AXDND1: variants seen among roughly 807,000 people sequenced by gnomAD.
AXDND1 encodes axonemal dynein light chain domain containing 1.
In AXDND1, 110 loss-of-function variants were observed where a neutral mutation model predicts 137.5. The ratio of observed to expected loss-of-function variants is 0.80; its 90% CI spans 0.69 to 0.94. The LOEUF (loss-of-function observed/expected upper bound fraction) is 0.94, where lower values mean the gene tolerates loss of function less well. Ranked by LOEUF, AXDND1 falls within the 40% of genes least tolerant of loss-of-function variation. The pLI is 0.00. For synonymous variants in AXDND1, 414 were observed against 399.7 expected (o/e 1.04, Z -0.43); for missense variants, 1,191 against 1,169.8 (o/e 1.02, Z -0.26).
intron 9 of AXDND1, among the ~76,000 whole-genome samples, chr1:179,385,713 A>G (rs889699963): frequency 6.6e-6 from 1 of 152,132 alleles, no homozygotes; most frequent in Admixed American, 6.6e-5. Flanking sequence ...AATGAGAGGG[A>G]GGGAACCTGT....
chr1:179,486,138 A>C lies in AXDND1; in HGVS notation c.2091+2917A>C, dbSNP rs7544034. On this transcript the variant is annotated intron_variant, in intron 18 of 25. Transcript: ENST00000367618. ...CTGTCTCAAAAAAAAAAAAAAAAAA[A>C]AAACCTGATAGAAATGAAAAACACA... is the stretch of plus-strand genomic sequence containing the variant. 8.7e-5 allele frequency among the ~76,000 whole-genome samples: 5 copies of C among 57,376 alleles called. 1 individual carries two copies. Among genetic ancestry groups the C allele is most frequent in the East Asian group, 1.0e-3 (1 of 1,002 alleles). The allele number at this position is 57,376 out of a possible 152,430, so 37.6% of individuals were successfully genotyped here. A position where few individuals can be genotyped will look rare whatever the true frequency, so the allele number is the denominator to read the frequency against.
Position 179,432,380 on chromosome 1 carries a change from C to A in AXDND1, c.1563+38C>A, listed in dbSNP as rs143419427. On this transcript the variant is annotated intron_variant, in intron 15 of 25. Transcript: ENST00000367618. ...AATAAAGAGCTTGGCAATCAAAGTGCTGATTGTAAACTTGGCATTCCGGAC... is the reference window on the plus strand; with the variant it reads ...AATAAAGAGCTTGGCAATCAAAGTGATGATTGTAAACTTGGCATTCCGGAC... The A allele has an allele frequency of 1.4e-4, 213 of 1,515,508 alleles. No individual in the cohort carries two copies. In the East Asian group the frequency reaches 5.0e-3, roughly 36 times the overall value. The allele number at this position is 1,515,508 out of a possible 1,614,324, so 93.9% of individuals were successfully genotyped here. A position where few individuals can be genotyped will look rare whatever the true frequency, so the allele number is the denominator to read the frequency against.
At chr1:179,489,501 T>C (rs2125570878) in intron 18 of AXDND1, among the ~76,000 whole-genome samples, 1 of 152,304 alleles carries the variant, frequency 6.6e-6, no homozygotes, top group Non-Finnish European at 1.5e-5. Flanking sequence ...TAGGAATTTA[T>C]GTATTTTCAC....
intron 15 of AXDND1, among the ~76,000 whole-genome samples, chr1:179,443,261 C>T (rs917147487): frequency 2.6e-5 from 4 of 152,218 alleles, no homozygotes; most frequent in African/African-American, 9.6e-5. Flanking sequence ...GGGGCTTCGG[C>T]TCCCTATAAG....
chr1:179,394,179 C>A, intron 10 of AXDND1, 136 bp downstream of exon 10: 1 of 873,760 alleles, frequency 1.1e-6, no homozygotes, highest in Non-Finnish European at 1.6e-6. Context: ...AGCAAGAGAA[C>A]AAAAAGAACT....
intron 25 of AXDND1, 87 bp from the exon 26 acceptor site, chr1:179,554,425 C>G (rs755461314): frequency 5.6e-6 from 9 of 1,605,836 alleles, no homozygotes; most frequent in Non-Finnish European, 6.8e-6. Context: ...AAAATGAAAC[C>G]AGAATATTTT....
At chr1:179,541,826 C>A (rs575922585) in intron 25 of AXDND1, among the ~76,000 whole-genome samples, 18 of 152,040 alleles carry the variant, frequency 1.2e-4, no homozygotes, top group African/African-American at 3.9e-4. Context: ...AAAATAGAAA[C>A]AACCTACGTG....
chr1:179,402,185 A>G (rs1652199895), intron 11 of AXDND1, among the ~76,000 whole-genome samples: 1 of 147,120 alleles, frequency 6.8e-6, no homozygotes, highest in Non-Finnish European at 1.5e-5. Flanking sequence ...AAAAAAAATC[A>G]CCCTGTCTTG....
intron 16 of AXDND1, among the ~76,000 whole-genome samples, chr1:179,467,636 A>T (rs1380258718): frequency 1.3e-5 from 2 of 152,198 alleles, no homozygotes; most frequent in African/African-American, 4.8e-5. Flanking sequence ...ATACTGAGGG[A>T]TGACTGTGTA....
chr1:179,541,660 CATG>C lies in AXDND1; in HGVS notation c.3031+6701_3031+6703del, dbSNP rs1558323818. On this transcript the variant is annotated intron_variant, in intron 25 of 25. Transcript: ENST00000367618. ...ATTTATAATATATGCATAATATATGCATGATAATATGCATAATAATATTGCATG... is the reference window on the plus strand; with the variant it reads ...ATTTATAATATATGCATAATATATGCATAATATGCATAATAATATTGCATG... Among the ~76,000 whole-genome samples, 1,412 of 151,164 alleles carry C rather than the reference CATG, an allele frequency of 9.3e-3. 37 individuals are homozygous for C. Among genetic ancestry groups the C allele is most frequent in the Admixed American group, 0.057 (862 of 15,132 alleles).
chr1:179,493,976 G>A (rs1667192209), intron 20 of AXDND1, among the ~76,000 whole-genome samples: 1 of 151,946 alleles, frequency 6.6e-6, no homozygotes, highest in Non-Finnish European at 1.5e-5. Flanking sequence ...TTTTGAGATG[G>A]AGTCTCGCTC....
At chr1:179,414,085 T>G (rs1031823580) in intron 12 of AXDND1, among the ~76,000 whole-genome samples, 1 of 152,082 alleles carries the variant, frequency 6.6e-6, no homozygotes, top group African/African-American at 2.4e-5. Flanking sequence ...ATATACAATT[T>G]TTTAACAAAC....
chr1:179,395,156 C>T lies in AXDND1; in HGVS notation c.1063C>T (p.His355Tyr). ...VKLTKETEKA[H>Y]KDLAQALLNA... is the part of the protein sequence containing the mutation. ...ATTAACAAAGGAAACAGAAAAAGCC[C>T]ACAAGGATTTGGCACAAGCTCTTTT... The change falls in exon 11 of 26, where the codon CAC (histidine) becomes TAC (tyrosine). Residue 355 changes from histidine to tyrosine, a missense_variant. By Grantham distance (83) the His-to-Tyr change is moderately conservative. Transcript: ENST00000367618. 2 of 1,613,412 alleles carry T rather than the reference C, an allele frequency of 1.2e-6. No homozygotes were observed. Among genetic ancestry groups the T allele is most frequent in the Non-Finnish European group, 1.7e-6 (2 of 1,179,704 alleles).
intron 6 of AXDND1, among the ~76,000 whole-genome samples, chr1:179,379,796 C>CAAAA (rs5779022): frequency 1.1e-5 from 1 of 93,624 alleles, no homozygotes; most frequent in Non-Finnish European, 2.1e-5. Context: ...AACTCCATCT[C>CAAAA]AAAAAAAAAA....
intron 15 of AXDND1, among the ~76,000 whole-genome samples, chr1:179,435,373 G>C (rs7537156): frequency 0.76 from 116,148 of 152,056 alleles, 44,688 homozygotes; most frequent in South Asian, 0.83. Flanking sequence ...AAAAAAGAGC[G>C]CATATTGCTA....
At chr1:179,398,974 C>G (rs964644739) in intron 11 of AXDND1, among the ~76,000 whole-genome samples, 2 of 152,120 alleles carry the variant, frequency 1.3e-5, no homozygotes, top group Non-Finnish European at 2.9e-5. Flanking sequence ...GCAAAACATG[C>G]CTGCACACAC....
At chr1:179,466,550 T>C (rs753747658) in intron 16 of AXDND1, among the ~76,000 whole-genome samples, 1 of 152,336 alleles carries the variant, frequency 6.6e-6, no homozygotes. Context: ...CTAGAATTTA[T>C]TAACTTTTAG....
chr1:179,395,265 GA>G, intron 11 of AXDND1, 63 bp downstream of exon 11: 1 of 1,227,356 alleles, frequency 8.1e-7, no homozygotes. Flanking sequence ...TATAGCTTCT[GA>G]AATAATATAT....
chr1:179,419,474 C>G (rs1280154842), intron 12 of AXDND1, among the ~76,000 whole-genome samples: 1 of 148,408 alleles, frequency 6.7e-6, no homozygotes. Context: ...ACCAGTCAGG[C>G]GTGGCGGCGT....
Sources: allele counts gnomAD v4.1 joint callset (sites outside exome capture counted in the v4.1 genomes callset), GRCh38; gene constraint gnomAD v4.1.1; transcripts MANE v1.5; gene names NCBI Gene and HGNC (gene_info 2026-07-23, HGNC 2026-07-21).